Variants in CDK16 observed in about 807,000 individuals in gnomAD.
CDK16 encodes cyclin dependent kinase 16.
Under a neutral mutation model 41.6 loss-of-function variants are expected in CDK16, and 2 were observed. The ratio of observed to expected loss-of-function variants is 0.05; its 90% CI spans 0.02 to 0.15. The LOEUF is 0.15. Among genes scored for constraint, CDK16 ranks in the 10% least tolerant of loss-of-function variants. The probability of loss-of-function intolerance (pLI) is 1.00; values close to 1 mark genes in which losing one functional copy is unlikely to be tolerated. For missense variants in CDK16, 228 were observed against 428.9 expected (o/e 0.53, Z 4.14); for synonymous variants, 169 against 169.7 (o/e 1.00, Z 0.03).
At chrX:47,227,720 T>C in intron 14 of CDK16, 1 of 383,196 alleles carries the variant, frequency 2.6e-6, no homozygotes, top group Admixed American at 5.0e-5. Context: ...AAAGTAGACA[T>C]TTCCTTACAT....
chrX:47,226,231 G>A, intron 8 of CDK16, 48 bp from the exon 9 acceptor site: 1 of 1,207,485 alleles, frequency 8.3e-7, no homozygotes, highest in South Asian at 1.8e-5. Context: ...CTGGGGGTCG[G>A]GCTAGTGGAT....
Position 47,218,700 on chromosome X carries a change from G to T in CDK16, c.-412G>T. The T allele has an allele frequency of 8.6e-7, 1 of 1,165,096 alleles. No homozygotes were observed. The highest frequency in any genetic ancestry group is 1.1e-6 in the Non-Finnish European group (1 of 872,151). On this transcript the variant is annotated 5_prime_UTR_variant, in exon 1 of 16. Coordinates refer to ENST00000357227, the MANE Select transcript of CDK16 (RefSeq NM_006201.5). ...TCCTTTCCACTTCACCCTTCCGAGC[G>T]CCTGCGTGCGCATGCGCGGAGCGCG...
rs781924085 is a variant in CDK16 at position 47,218,913 on chromosome X, A to ACCG, written c.-184_-182dup. ...GCGGGACGCCGCCTCCGCCTCAGCC[A>ACCG]CCGCCGCCGCCGCCGCCTCCTCCTC... On this transcript the variant is annotated 5_prime_UTR_variant, in exon 1 of 16. Transcript: ENST00000357227. 5.7e-3 allele frequency: 5,895 copies of ACCG among 1,039,550 alleles called. 10 individuals are homozygous for ACCG. The highest frequency in any genetic ancestry group is 6.3e-3 in the Non-Finnish European group (5,114 of 813,524). 85.7% of individuals were successfully genotyped at this position (1,039,550 alleles called of 1,213,427 possible).
chrX:47,218,500 C>A, upstream of CDK16: 1 of 848,485 alleles, frequency 1.2e-6, no homozygotes, highest in Non-Finnish European at 1.6e-6. Flanking sequence ...GGCCACTGCT[C>A]ACCTAGGCGC....
chrX:47,227,234 C>T lies in CDK16; in HGVS notation c.1284+11C>T, dbSNP rs775737666. 1.7e-6 allele frequency: 2 copies of T among 1,197,678 alleles called. No homozygotes were observed. Among genetic ancestry groups the T allele is most frequent in the African/African-American group, 3.5e-5 (2 of 56,457 alleles). ...ACCAAGCTGTTGCAGGTGAGACCACCTTGGGTCAGCCTTGGGGGTATGGGA... is the reference window on the plus strand; with the variant it reads ...ACCAAGCTGTTGCAGGTGAGACCACTTTGGGTCAGCCTTGGGGGTATGGGA... On this transcript the variant is annotated intron_variant, in intron 13 of 15. Coordinates refer to ENST00000357227, the MANE Select transcript of CDK16 (RefSeq NM_006201.5).
intron 2 of CDK16, among the ~76,000 whole-genome samples, 174 bp from the exon 3 acceptor site, chrX:47,224,211 A>G (rs1488607158): frequency 9.0e-6 from 1 of 111,112 alleles, no homozygotes; most frequent in African/African-American, 3.3e-5. Context: ...CCTGCCCTAG[A>G]TGTACCTGAG....
rs769715734 is a variant in CDK16, at chrX:47,224,311, T to C, written c.203-74T>C. 1.3e-4 allele frequency: 142 copies of C among 1,060,602 alleles called. 1 individual carries two copies. In the African/African-American group the frequency reaches 2.5e-3, roughly 19 times the overall value. 87.4% of individuals were successfully genotyped at this position (1,060,602 alleles called of 1,213,427 possible). On this transcript the variant is annotated intron_variant, in intron 2 of 15. Coordinates refer to ENST00000357227, the MANE Select transcript of CDK16 (RefSeq NM_006201.5). ...TGCACACATGTGTGATGATGGAATA[T>C]GTTTCGTGGGGGATGGGGTGTCCTG...
chrX:47,223,554 C>G lies in CDK16; in HGVS notation c.-4C>G. The G allele has an allele frequency of 3.3e-6, 4 of 1,209,559 alleles. No homozygotes were observed. The highest frequency in any genetic ancestry group is 4.5e-6 in the Non-Finnish European group (4 of 893,765). ...TTCCATCCTTGTCCCTTGCTCAGAT[C>G]GCCATGGATCGGATGAAGAAGATCA... On this transcript the variant is annotated splice_region_variant and 5_prime_UTR_variant, in exon 2 of 16. It adds an upstream start codon to the 5' untranslated region. Transcript: ENST00000357227.
chrX:47,221,607 C>T (rs1303011091), intron 1 of CDK16, among the ~76,000 whole-genome samples: 1 of 111,535 alleles, frequency 9.0e-6, no homozygotes, highest in Non-Finnish European at 1.9e-5. Context: ...TACTCCCTGT[C>T]ACAACATGCA....
Position 47,218,954 on chromosome X carries a change from C to T in CDK16, c.-158C>T. 2 of 978,432 alleles carry T rather than the reference C, an allele frequency of 2.0e-6. No homozygotes were observed. Among genetic ancestry groups the T allele is most frequent in the Admixed American group, 5.5e-5 (1 of 18,244 alleles). The allele number at this position is 978,432 out of a possible 1,213,427, so 80.6% of individuals were successfully genotyped here. Reference sequence around the variant, plus strand: ...CCTCCTCCTCCTCAGCCGGCGGCGGCCCGGGCCCAGCAACCATGGCTGAAG... The same window carrying T: ...CCTCCTCCTCCTCAGCCGGCGGCGGTCCGGGCCCAGCAACCATGGCTGAAG... On this transcript the variant is annotated 5_prime_UTR_variant, in exon 1 of 16. Coordinates refer to ENST00000357227, the MANE Select transcript of CDK16 (RefSeq NM_006201.5).
At chrX:47,219,930 G>C (rs908982518) in intron 1 of CDK16, among the ~76,000 whole-genome samples, 1 of 110,556 alleles carries the variant, frequency 9.0e-6, no homozygotes, top group African/African-American at 3.3e-5. Flanking sequence ...TGGAATACCT[G>C]AGCCTGGCCT....
intron 1 of CDK16, chrX:47,223,232 G>GT: frequency 8.6e-7 from 1 of 1,156,855 alleles, no homozygotes; most frequent in East Asian, 3.3e-5. Context: ...TGCTCCTGCA[G>GT]TGGGGCTTTT....
intron 1 of CDK16, chrX:47,223,318 T>C (rs1937426766): frequency 1.7e-6 from 2 of 1,152,616 alleles, no homozygotes; most frequent in South Asian, 3.8e-5. Flanking sequence ...TCAGGTGGGC[T>C]ACGTAGGAGC....
intron 1 of CDK16, among the ~76,000 whole-genome samples, chrX:47,221,614 T>C (rs1385579441): frequency 9.0e-6 from 1 of 111,427 alleles, no homozygotes; most frequent in Non-Finnish European, 1.9e-5. Flanking sequence ...TGTCACAACA[T>C]GCAAAGCAAC....
intron 8 of CDK16, 50 bp downstream of exon 8, chrX:47,226,077 C>G (rs1171480119): frequency 8.7e-7 from 1 of 1,147,344 alleles, no homozygotes; most frequent in East Asian, 3.2e-5. Flanking sequence ...CACTCACCCA[C>G]TCCAACCCAC....
rs147385118 is a variant in CDK16, at chrX:47,227,191, G to A, written c.1252G>A (p.Asp418Asn). Residue 418 changes from aspartate (D) to asparagine (N), a missense_variant, in exon 13 of 16, where the codon GAC becomes AAC. Asp to Asn is a conservative substitution (Grantham distance 23). Coordinates refer to ENST00000357227, the MANE Select transcript of CDK16 (RefSeq NM_006201.5). The part of the protein sequence containing the change: ...LLSHAPRLDS[D>N]GADLLTKLLQ... ...TTGTCCTTGTGGCAGACTTGATAGC[G>A]ACGGGGCCGACCTCCTCACCAAGCT... is the stretch of plus-strand genomic sequence containing the variant. The A allele has an allele frequency of 1.4e-5, 17 of 1,207,366 alleles. 1 individual carries two copies. Among genetic ancestry groups the A allele is most frequent in the South Asian group, 7.1e-5 (4 of 56,479 alleles).
chrX:47,229,350 C>T lies in CDK16; in HGVS notation c.*582C>T, dbSNP rs2055302010. 6.3e-6 allele frequency: 2 copies of T among 317,712 alleles called. No individual in the cohort carries two copies. The allele number at this position is 317,712 out of a possible 1,213,427, so 26.2% of individuals were successfully genotyped here. On this transcript the variant is annotated 3_prime_UTR_variant, in exon 16 of 16. Transcript: ENST00000357227. The stretch of plus-strand genomic sequence containing the variant: ...ATACAGACTGGCTGGGCCCCACCCC[C>T]TGCGTGTGGCCCTCCCACAGTATTT...
Position 47,227,173 on chromosome X carries a change from T to C in CDK16, c.1242-8T>C, listed in dbSNP as rs749850878. 3.7e-5 allele frequency: 45 copies of C among 1,210,145 alleles called. No homozygotes were observed. Among genetic ancestry groups the C allele is most frequent in the Non-Finnish European group, 5.0e-5 (45 of 894,695 alleles). Reference sequence around the variant, plus strand: ...ATTTTAAATCAGGTCTCTTTGTCCTTGTGGCAGACTTGATAGCGACGGGGC... The same window carrying C: ...ATTTTAAATCAGGTCTCTTTGTCCTCGTGGCAGACTTGATAGCGACGGGGC... On this transcript the variant is annotated splice_region_variant and splice_polypyrimidine_tract_variant and intron_variant, in intron 12 of 15. Transcript: ENST00000357227.
chrX:47,219,798 G>A (rs1335552887), intron 1 of CDK16, among the ~76,000 whole-genome samples: 1 of 110,918 alleles, frequency 9.0e-6, no homozygotes, highest in Non-Finnish European at 1.9e-5. Flanking sequence ...CGCCAGTGGG[G>A]GTCATGGCTG....
Sources: allele counts gnomAD v4.1 joint callset (sites outside exome capture counted in the v4.1 genomes callset), GRCh38; gene constraint gnomAD v4.1.1; transcripts MANE v1.5; gene names NCBI Gene and HGNC (gene_info 2026-07-23, HGNC 2026-07-21).